Variants in SLC37A3 observed in about 807,000 individuals in gnomAD.
SLC37A3 encodes sugar phosphate exchanger 3.
Under a neutral mutation model 67.1 loss-of-function variants are expected in SLC37A3, and 51 were observed. The observed-to-expected ratio is 0.76, with a 90% CI of 0.61 to 0.96. The LOEUF (loss-of-function observed/expected upper bound fraction) is 0.96. Among genes scored for constraint, SLC37A3 ranks in the 40% least tolerant of loss-of-function variants. The pLI is 0.00. For missense variants in SLC37A3, 508 were observed against 603.0 expected (o/e 0.84, Z 1.65); for synonymous variants, 214 against 231.4 (o/e 0.92, Z 0.68).
intron 3 of SLC37A3, among the ~76,000 whole-genome samples, chr7:140,377,942 C>T (rs1002214130): frequency 2.0e-5 from 3 of 152,120 alleles, no homozygotes; most frequent in Admixed American, 6.5e-5. Flanking sequence ...CCTGGCCTCA[C>T]GCCAGGCCGG....
At chr7:140,385,998 G>A (rs535198918) in intron 1 of SLC37A3, among the ~76,000 whole-genome samples, 28 of 152,246 alleles carry the variant, frequency 1.8e-4, no homozygotes, top group Non-Finnish European at 4.1e-4. Context: ...GGCCAGGCTG[G>A]TCTCGAACTC....
intron 4 of SLC37A3, among the ~76,000 whole-genome samples, chr7:140,368,043 AC>A (rs1217232676): frequency 6.6e-6 from 1 of 151,530 alleles, no homozygotes; most frequent in Non-Finnish European, 1.5e-5. Flanking sequence ...CAAACTCCTG[AC>A]CCCAAGTTAT....
rs1300693772 is a variant in SLC37A3, at chr7:140,382,497, C to A, written c.30G>T (p.Gly10=). 6.2e-7 allele frequency: 1 copy of A among 1,613,958 alleles called. No individual in the cohort carries two copies. The highest frequency in any genetic ancestry group is 1.3e-5 in the African/African-American group (1 of 74,904). The change falls in exon 2 of 15, where the codon GGG becomes GGT. Residue 10 remains glycine, a synonymous_variant. Transcript: ENST00000326232. ...GATGGCTGAACTGGGACAGCAGAGA[C>A]CCTCTTTGAAAAACATTTGGCCAGG... is the stretch of plus-strand genomic sequence containing the variant. MAWPNVFQR[G]SLLSQFSHHH... is the part of the protein sequence containing the mutation.
At chr7:140,362,495 A>G (rs1797371761) in intron 5 of SLC37A3, among the ~76,000 whole-genome samples, 1 of 125,342 alleles carries the variant, frequency 8.0e-6, no homozygotes, top group African/African-American at 3.1e-5. Flanking sequence ...GGCCGCCCCT[A>G]CCGGGAAGTG....
chr7:140,395,050 A>G (rs1389822094), intron 1 of SLC37A3, among the ~76,000 whole-genome samples: 2 of 152,116 alleles, frequency 1.3e-5, no homozygotes, highest in African/African-American at 4.8e-5. Context: ...ATAAAATACA[A>G]TAGTTAGAAC....
chr7:140,351,671 T>C, intron 8 of SLC37A3: 1 of 576,504 alleles, frequency 1.7e-6, no homozygotes, highest in Non-Finnish European at 3.0e-6. Context: ...GCTTCTGTGG[T>C]TTCATTTGTA....
chr7:140,351,975 A>T (rs1455216252), intron 8 of SLC37A3, 87 bp downstream of exon 8: 1 of 1,333,378 alleles, frequency 7.5e-7, no homozygotes, highest in Non-Finnish European at 1.1e-6. Context: ...TTTTCCTAGG[A>T]AAAAAGAGAT....
chr7:140,354,714 G>A (rs985588843), intron 7 of SLC37A3, among the ~76,000 whole-genome samples: 14 of 151,036 alleles, frequency 9.3e-5, no homozygotes, highest in Non-Finnish European at 1.9e-4. Flanking sequence ...TTACATATTA[G>A]GGGGGATTAG....
At position 140,355,313 on chromosome 7, in the gene SLC37A3, A is replaced by G. The variant is rs369239967; in HGVS notation, c.618+355T>C. Among the ~76,000 whole-genome samples the G allele has an allele frequency of 6.8e-4, 103 of 151,946 alleles. 1 individual carries two copies. Among genetic ancestry groups the G allele is most frequent in the African/African-American group, 2.4e-3 (98 of 41,442 alleles). On this transcript the variant is annotated intron_variant, in intron 7 of 14. Transcript: ENST00000326232. Reference sequence around the variant, plus strand: ...TGCAACCTCCGCCTCGTGGGTTCAAACGATTCTCCTGCCTCAGCCTCCAGA... The same window carrying G: ...TGCAACCTCCGCCTCGTGGGTTCAAGCGATTCTCCTGCCTCAGCCTCCAGA...
chr7:140,343,503 C>A lies in SLC37A3; in HGVS notation c.1235G>T (p.Arg412Leu), dbSNP rs557916487. 11 of 1,613,896 alleles carry A rather than the reference C, an allele frequency of 6.8e-6. No individual in the cohort carries two copies. The highest frequency in any genetic ancestry group is 1.7e-5 in the Admixed American group (1 of 59,954). ...ISSAISADLG[R>L]QELIQRSSEA... The stretch of plus-strand genomic sequence containing the variant: ...ACTGCTCCTTTGGATGAGCTCCTGG[C>A]GACCCAAGTCCGCAGAAATAGCAGA... The change falls in exon 13 of 15, where the codon CGC becomes CTC. Residue 412 changes from arginine (R) to leucine (L), a missense_variant. Physicochemically the swap from Arg to Leu is moderately radical, Grantham distance 102. Transcript: ENST00000326232.
At chr7:140,364,176 G>A (rs1797502226) in intron 5 of SLC37A3, among the ~76,000 whole-genome samples, 1 of 151,764 alleles carries the variant, frequency 6.6e-6, no homozygotes, top group African/African-American at 2.4e-5. Context: ...GCTTGAACAT[G>A]GGAGGCAGAG....
chr7:140,334,056 A>G lies in SLC37A3; in HGVS notation c.*1356T>C, dbSNP rs1796043235. The G allele has an allele frequency of 1.3e-5, 2 of 152,194 alleles. No homozygotes were observed. The highest frequency in any genetic ancestry group is 1.3e-4 in the Admixed American group (2 of 15,268). The allele number at this position is 152,194 out of a possible 1,614,324, so 9.4% of individuals were successfully genotyped here. ...GGAATTCACAGCCCTGAAGATATAT[A>G]TACTCTACATTTTTCTAAAGAACGG... On this transcript the variant is annotated 3_prime_UTR_variant, in exon 15 of 15. Coordinates refer to ENST00000326232, the MANE Select transcript of SLC37A3 (RefSeq NM_207113.3).
At chr7:140,390,547 A>G (rs1377114186) in intron 1 of SLC37A3, among the ~76,000 whole-genome samples, 3 of 151,510 alleles carry the variant, frequency 2.0e-5, no homozygotes, top group Non-Finnish European at 4.4e-5. Context: ...CTTCTTTGAA[A>G]CTCACACCTT....
intron 2 of SLC37A3, among the ~76,000 whole-genome samples, chr7:140,381,937 CCAGGAGGCGGAGGTTG>C (rs1356632811): frequency 2.0e-5 from 3 of 150,800 alleles, no homozygotes; most frequent in Non-Finnish European, 4.4e-5. Context: ...TAGCTTGAAC[CCAGGAGGCGGAGGTTG>C]CAGTGAGCTG....
At chr7:140,366,284 T>C (rs539166423) in intron 4 of SLC37A3, among the ~76,000 whole-genome samples, 17 of 152,238 alleles carry the variant, frequency 1.1e-4, no homozygotes, top group African/African-American at 3.9e-4. Context: ...AATTTTTGTA[T>C]TTTCAGTAGA....
chr7:140,367,676 A>G (rs973428354), intron 4 of SLC37A3, among the ~76,000 whole-genome samples: 3 of 152,094 alleles, frequency 2.0e-5, no homozygotes, highest in African/African-American at 4.8e-5. Flanking sequence ...TGCTGCCACC[A>G]TCAGCTCCAG....
intron 13 of SLC37A3, among the ~76,000 whole-genome samples, chr7:140,341,728 G>A (rs1796368927): frequency 6.6e-6 from 1 of 152,150 alleles, no homozygotes. Flanking sequence ...GGCAGGTGAG[G>A]CAATCTGAAT....
At chr7:140,397,742 T>G (rs1405635142) in intron 1 of SLC37A3, among the ~76,000 whole-genome samples, 1 of 152,010 alleles carries the variant, frequency 6.6e-6, no homozygotes, top group East Asian at 1.9e-4. Context: ...GAACCACTCC[T>G]CCCTATAAAC....
At chr7:140,347,055 GT>G (rs894222780) in intron 10 of SLC37A3, among the ~76,000 whole-genome samples, 2 of 152,044 alleles carry the variant, frequency 1.3e-5, no homozygotes, top group African/African-American at 4.8e-5. Flanking sequence ...GAGCTCAGGA[GT>G]TTGAGACCAG....
Sources: allele counts gnomAD v4.1 joint callset (sites outside exome capture counted in the v4.1 genomes callset), GRCh38; gene constraint gnomAD v4.1.1; transcripts MANE v1.5; gene names NCBI Gene and HGNC (gene_info 2026-07-23, HGNC 2026-07-21).